The following PTPRZ1 variants were observed in gnomAD, a reference collection of about 807,000 sequenced individuals.
The protein encoded by PTPRZ1 is protein tyrosine phosphatase receptor type Z1.
Under a neutral mutation model 214.1 loss-of-function variants are expected in PTPRZ1, and 82 were observed. The observed-to-expected ratio is 0.38, with a 90% CI of 0.32 to 0.46. The LOEUF is 0.46. Ranked by LOEUF, PTPRZ1 falls within the 20% of genes least tolerant of loss-of-function variation. The pLI, the probability that PTPRZ1 is intolerant of heterozygous loss-of-function variation, is 1.00. For missense variants in PTPRZ1, 2,603 were observed against 2,748.7 expected, an observed-to-expected ratio of 0.95 and a Z score of 1.19; for synonymous variants, 945 against 987.9, an observed-to-expected ratio of 0.96 and a Z score of 0.81.
chr7:122,039,053 C>T (rs977005300), intron 19 of PTPRZ1, among the ~76,000 whole-genome samples, 164 bp downstream of exon 19: 3 of 152,078 alleles, frequency 2.0e-5, no homozygotes, highest in African/African-American at 7.2e-5. Flanking sequence ...TACTGTTAGT[C>T]AAAAAGTTTC....
At chr7:122,036,577 A>C (rs1799544700) in intron 17 of PTPRZ1, 23 bp from the exon 18 acceptor site, 6 of 1,495,194 alleles carry the variant, frequency 4.0e-6, no homozygotes, top group Non-Finnish European at 4.6e-6. Context: ...GCTACAATGA[A>C]ATATATTCTC....
intron 2 of PTPRZ1, among the ~76,000 whole-genome samples, chr7:121,934,982 A>C (rs1012395371): frequency 3.3e-5 from 5 of 152,146 alleles, no homozygotes; most frequent in Admixed American, 2.6e-4. Flanking sequence ...CACACACACA[A>C]AACAGATAAG....
Position 121,996,514 on chromosome 7 carries a change from A to T in PTPRZ1, c.1061A>T (p.Asp354Val), listed in dbSNP as rs369458425. ...EKFAVLYQQL[D>V]GEDQTKHEFL... is the part of the protein sequence containing the mutation. ...TTTGCAGTTTTGTACCAGCAGTTGG[A>T]TGGAGAGGACCAAACCAAGCATGAA... is the stretch of plus-strand genomic sequence containing the variant. Residue 354 changes from aspartate to valine, a missense_variant, in exon 9 of 30, where the codon GAT becomes GTT. Physicochemically the swap from Asp to Val is radical, Grantham distance 152. Around this residue, in one of 6 missense-constraint regions of PTPRZ1, gnomAD observed 244 missense variants for 333.2 expected, o/e 0.73. Coordinates refer to ENST00000393386, the MANE Select transcript of PTPRZ1 (RefSeq NM_002851.3). 1.9e-6 allele frequency: 3 copies of T among 1,604,112 alleles called. No individual in the cohort carries two copies. The highest frequency in any genetic ancestry group is 2.7e-5 in the African/African-American group (2 of 74,490).
chr7:122,019,036 C>A, intron 12 of PTPRZ1, 88 bp from the exon 13 acceptor site: 1 of 1,259,358 alleles, frequency 7.9e-7, no homozygotes, highest in Non-Finnish European at 1.1e-6. Context: ...TAAGTAACAG[C>A]AATGAAGGTT....
At chr7:122,017,607 G>A (rs1209322665) in intron 12 of PTPRZ1, among the ~76,000 whole-genome samples, 3 of 150,218 alleles carry the variant, frequency 2.0e-5, no homozygotes, top group Non-Finnish European at 4.4e-5. Context: ...TGTTGCCCAG[G>A]CTGTAGTGCA....
intron 12 of PTPRZ1, among the ~76,000 whole-genome samples, chr7:122,016,596 T>C (rs142632625): frequency 1.3e-5 from 2 of 152,054 alleles, no homozygotes; most frequent in East Asian, 3.9e-4. Flanking sequence ...GAAAAGTTTA[T>C]ACACAAGACT....
intron 8 of PTPRZ1, among the ~76,000 whole-genome samples, chr7:121,992,760 A>AGAGTGCCTAGAACCAAGCAGATGAGAGTG (rs1418693627): frequency 6.6e-6 from 1 of 152,202 alleles, no homozygotes; most frequent in Non-Finnish European, 1.5e-5. Flanking sequence ...CTGTATGTCT[A>AGAGTGCCTAGAACCAAGCAGATGAGAGTG]GAGTGCCTAG....
intron 3 of PTPRZ1, among the ~76,000 whole-genome samples, chr7:121,970,117 C>A (rs1028758344): frequency 6.6e-6 from 1 of 152,020 alleles, no homozygotes; most frequent in Non-Finnish European, 1.5e-5. Context: ...CATGTCCCTA[C>A]AAAGGACATG....
intron 8 of PTPRZ1, among the ~76,000 whole-genome samples, chr7:121,984,631 G>A (rs1797712161): frequency 1.3e-5 from 2 of 152,088 alleles, no homozygotes; most frequent in Non-Finnish European, 2.9e-5. Context: ...AAGGAGCCTA[G>A]CACCTTATCA....
chr7:122,020,801 C>T (rs759702913), intron 13 of PTPRZ1, among the ~76,000 whole-genome samples: 6 of 149,276 alleles, frequency 4.0e-5, no homozygotes, highest in Middle Eastern at 3.2e-3. Context: ...GTCTGTATCC[C>T]GGTGATTCCA....
At chr7:121,971,475 G>C (rs948009144) in intron 3 of PTPRZ1, among the ~76,000 whole-genome samples, 2 of 152,046 alleles carry the variant, frequency 1.3e-5, no homozygotes, top group African/African-American at 4.8e-5. Flanking sequence ...GGGGAGAGTG[G>C]TTATTAGATT....
chr7:121,899,294 G>A (rs953084195), intron 1 of PTPRZ1, among the ~76,000 whole-genome samples: 2 of 151,818 alleles, frequency 1.3e-5, no homozygotes, highest in Admixed American at 6.6e-5. Flanking sequence ...GACTCACAAC[G>A]TTTCTACCTT....
At chr7:121,873,631 C>A in intron 1 of PTPRZ1, 74 bp downstream of exon 1, 2 of 1,529,580 alleles carry the variant, frequency 1.3e-6, no homozygotes, top group South Asian at 1.1e-5. Flanking sequence ...TCAGCGTGTC[C>A]GCGACTTGCC....
At chr7:121,986,331 C>A (rs1797762266) in intron 8 of PTPRZ1, among the ~76,000 whole-genome samples, 1 of 152,180 alleles carries the variant, frequency 6.6e-6, no homozygotes, top group Non-Finnish European at 1.5e-5. Flanking sequence ...ACCCAAGTCT[C>A]CCTGAATCTA....
chr7:121,995,318 G>T (rs1329674772), intron 8 of PTPRZ1, among the ~76,000 whole-genome samples: 1 of 152,086 alleles, frequency 6.6e-6, no homozygotes, highest in Admixed American at 6.5e-5. Flanking sequence ...GTAACTTCAG[G>T]TGTCACCTGA....
intron 6 of PTPRZ1, 79 bp downstream of exon 6, chr7:121,976,930 C>A: frequency 8.1e-7 from 1 of 1,234,910 alleles, no homozygotes; most frequent in Non-Finnish European, 1.1e-6. Flanking sequence ...ACAAAAGTCA[C>A]TTGTTCCAAA....
chr7:121,884,624 G>A (rs952125417), intron 1 of PTPRZ1, among the ~76,000 whole-genome samples: 1 of 152,192 alleles, frequency 6.6e-6, no homozygotes, highest in African/African-American at 2.4e-5. Flanking sequence ...AGTTAGAGCA[G>A]TGAAACTCAG....
intron 2 of PTPRZ1, among the ~76,000 whole-genome samples, chr7:121,935,258 C>T (rs764161973): frequency 1.3e-5 from 2 of 152,026 alleles, no homozygotes; most frequent in Non-Finnish European, 2.9e-5. Context: ...TAATGTGTCT[C>T]CCCTATTAAA....
intron 4 of PTPRZ1, among the ~76,000 whole-genome samples, chr7:121,974,387 A>G (rs1797365608): frequency 6.6e-6 from 1 of 152,250 alleles, no homozygotes; most frequent in African/African-American, 2.4e-5. Context: ...GCCCTGAGCA[A>G]TCAAAATACA....
Sources: allele counts gnomAD v4.1 joint callset (sites outside exome capture counted in the v4.1 genomes callset), GRCh38; gene constraint gnomAD v4.1.1; regional missense constraint gnomAD v4.1.1; transcripts MANE v1.5; gene names NCBI Gene and HGNC (gene_info 2026-07-23, HGNC 2026-07-21).